PCDHA11: variants seen among roughly 807,000 people sequenced by gnomAD.
PCDHA11 encodes protocadherin alpha-11.
In PCDHA11, 61 loss-of-function variants were observed where a neutral mutation model predicts 70.3. The ratio of observed to expected loss-of-function variants is 0.87; its 90% CI spans 0.71 to 1.07. The LOEUF (loss-of-function observed/expected upper bound fraction) is 1.07. PCDHA11 is among the 50% of genes least tolerant of loss of function. The pLI is 0.00. For synonymous variants in PCDHA11, 633 were observed against 555.1 expected (o/e 1.14, Z -1.97); for missense variants, 1,324 against 1,237.5 (o/e 1.07, Z -1.05).
chr5:140,974,605 G>T (rs2096633635), intron 1 of PCDHA11, among the ~76,000 whole-genome samples: 1 of 152,088 alleles, frequency 6.6e-6, no homozygotes, highest in Non-Finnish European at 1.5e-5. Context: ...TCTGCCTCCA[G>T]GGTTCAAGCG....
rs550730996 is a variant in PCDHA11, at chr5:140,982,280, G to T, written c.2451-195G>T. The T allele has an allele frequency of 2.1e-5, 21 of 1,007,278 alleles. No homozygotes were observed. The Admixed American group carries it at 5.3e-4, about 25-fold the overall frequency. 62.4% of individuals were successfully genotyped at this position (1,007,278 alleles called of 1,614,324 possible). A position where few individuals can be genotyped will look rare whatever the true frequency, so the allele number is the denominator to read the frequency against. ...GTGTGTTCCTGGAATAGTATAGCAGGCAATAAGTAAGTCAGCAATGCTTCT... is the reference window on the plus strand; with the variant it reads ...GTGTGTTCCTGGAATAGTATAGCAGTCAATAAGTAAGTCAGCAATGCTTCT... On this transcript the variant is annotated intron_variant, in intron 2 of 3. Transcript: ENST00000398640.
chr5:140,947,948 T>C (rs2094196051), intron 1 of PCDHA11, among the ~76,000 whole-genome samples: 1 of 151,586 alleles, frequency 6.6e-6, no homozygotes, highest in South Asian at 2.1e-4. Context: ...AAGTGTTCCA[T>C]ATTTTACAAT....
Position 140,883,309 on chromosome 5 carries a change from C to T in PCDHA11, c.2391+11815C>T, listed in dbSNP as rs782264263. The T allele has an allele frequency of 4.3e-6, 7 of 1,613,930 alleles. No individual in the cohort carries two copies. In the Admixed American group the frequency reaches 1.2e-4, roughly 27 times the overall value. ...AAGTACTAGATGTAAATGATAACGCCCCAGAGGTTACCATCACTTCTTTGT... is the reference window on the plus strand; with the variant it reads ...AAGTACTAGATGTAAATGATAACGCTCCAGAGGTTACCATCACTTCTTTGT... On this transcript the variant is annotated intron_variant, in intron 1 of 3. Transcript: ENST00000398640.
intron 3 of PCDHA11, among the ~76,000 whole-genome samples, chr5:140,993,203 A>AT (rs200893072): frequency 0.015 from 2,264 of 152,198 alleles, 62 homozygotes; most frequent in African/African-American, 0.051. Flanking sequence ...ACTAAAGCTA[A>AT]TTTTTTTAGC....
intron 1 of PCDHA11, among the ~76,000 whole-genome samples, chr5:140,889,326 G>A (rs2062188363): frequency 6.6e-6 from 1 of 151,922 alleles, no homozygotes; most frequent in African/African-American, 2.4e-5. Flanking sequence ...TCTGTATCAG[G>A]ATTTTGATTG....
intron 1 of PCDHA11, chr5:140,969,215 C>T: frequency 6.2e-7 from 1 of 1,614,128 alleles, no homozygotes; most frequent in East Asian, 2.2e-5. Flanking sequence ...CCAGACAGGA[C>T]CAGGGCCTTC....
intron 3 of PCDHA11, among the ~76,000 whole-genome samples, chr5:140,989,348 G>A (rs1455202093): frequency 6.6e-6 from 1 of 152,196 alleles, no homozygotes; most frequent in African/African-American, 2.4e-5. Context: ...GCTCAAAGGT[G>A]ATAGGTCACC....
In PCDHA11 at chr5:140,965,644, G is replaced by C. The variant is rs201197561; in HGVS notation, c.2392-13305G>C. On this transcript the variant is annotated intron_variant, in intron 1 of 3. Transcript: ENST00000398640. Reference sequence around the variant, plus strand: ...AAAGAAAAAATTTTAAATTACTCTTGAAAGAAAATGTCTTGGGTGATAAAT... The same window carrying C: ...AAAGAAAAAATTTTAAATTACTCTTCAAAGAAAATGTCTTGGGTGATAAAT... Among the ~76,000 whole-genome samples, 13 of 152,146 alleles carry C rather than the reference G, an allele frequency of 8.5e-5. No individual in the cohort carries two copies. The East Asian group carries it at 2.5e-3, about 29-fold the overall frequency.
chr5:140,927,862 G>T, intron 1 of PCDHA11: 1 of 1,614,200 alleles, frequency 6.2e-7, no homozygotes. Context: ...AGCTAGCACC[G>T]CTAAACTGCT....
chr5:140,895,905 G>A (rs987746254), intron 1 of PCDHA11, among the ~76,000 whole-genome samples: 4 of 152,076 alleles, frequency 2.6e-5, no homozygotes, highest in Admixed American at 1.3e-4. Context: ...TCCGCGTCCC[G>A]GGCTCAACAA....
chr5:140,869,355 G>A lies in PCDHA11; in HGVS notation c.252G>A (p.Leu84=), dbSNP rs782391359. 19 of 1,614,012 alleles carry A rather than the reference G, an allele frequency of 1.2e-5. No homozygotes were observed. The highest frequency in any genetic ancestry group is 1.7e-5 in the Admixed American group (1 of 60,012). The change falls in exon 1 of 4, where the codon TTG becomes TTA. Residue 84 remains leucine (L), a synonymous_variant. Transcript: ENST00000398640. ...AGGTAAATCTGCAGAATGGCATTTTGTTTGTGAATTCTCGGATCGACCGCG... is the reference window on the plus strand; with the variant it reads ...AGGTAAATCTGCAGAATGGCATTTTATTTGTGAATTCTCGGATCGACCGCG... ...LLEVNLQNGI[L]FVNSRIDREE... is the part of the protein sequence containing the mutation.
rs183786609 is a variant in PCDHA11, at chr5:140,896,576, C to T, written c.2391+25082C>T. ...ATTTTAAGTAGAGATGGGGTTTTGA[C>T]GTGTTGGCCAGGCTGGTCTCGAACT... On this transcript the variant is annotated intron_variant, in intron 1 of 3. Transcript: ENST00000398640. Among the ~76,000 whole-genome samples the T allele has an allele frequency of 3.4e-4, 51 of 151,254 alleles. No individual in the cohort carries two copies. The East Asian group carries it at 4.9e-3, about 14-fold the overall frequency.
At chr5:140,996,695 A>G (rs1207094122) in intron 3 of PCDHA11, among the ~76,000 whole-genome samples, 1 of 152,088 alleles carries the variant, frequency 6.6e-6, no homozygotes, top group East Asian at 1.9e-4. Context: ...ATTCTTCTGA[A>G]CCTCTATCTC....
chr5:140,947,146 A>G (rs1253300651), intron 1 of PCDHA11, among the ~76,000 whole-genome samples: 2 of 151,546 alleles, frequency 1.3e-5, no homozygotes, highest in Non-Finnish European at 1.5e-5. Context: ...ATGTATAGTT[A>G]CTTCCACGGG....
chr5:140,889,662 C>T (rs1397086074), intron 1 of PCDHA11, among the ~76,000 whole-genome samples: 1 of 151,946 alleles, frequency 6.6e-6, no homozygotes, highest in Admixed American at 6.6e-5. Context: ...GTCCTCTTCC[C>T]AGCCTTTTAT....
At position 141,010,198 on chromosome 5, in the gene PCDHA11, C is replaced by T; in HGVS notation, c.*261C>T. ...AAAGCAGACCCAAGTTTCCTTTCTC[C>T]TCCGCCGCAAAGGAGAGGCTTCCCA... On this transcript the variant is annotated 3_prime_UTR_variant, in exon 4 of 4. Transcript: ENST00000398640. The T allele has an allele frequency of 6.4e-7, 1 of 1,552,138 alleles. No homozygotes were observed. The highest frequency in any genetic ancestry group is 1.4e-5 in the African/African-American group (1 of 73,154).
At chr5:140,883,106 T>C (rs782515785) in intron 1 of PCDHA11, 3 of 1,614,124 alleles carry the variant, frequency 1.9e-6, no homozygotes, top group Non-Finnish European at 2.5e-6. Context: ...TATAGTTTAC[T>C]CATTTAGAAG....
At chr5:140,928,032 TAGTGC>T (rs782031018) in intron 1 of PCDHA11, 7 of 1,614,216 alleles carry the variant, frequency 4.3e-6, no homozygotes, top group Non-Finnish European at 5.9e-6. Context: ...GTGGCATGTC[TAGTGC>T]AGGCCCTTTT....
intron 3 of PCDHA11, among the ~76,000 whole-genome samples, chr5:141,000,510 C>G (rs1197965439): frequency 5.6e-5 from 8 of 143,864 alleles, no homozygotes; most frequent in South Asian, 4.5e-4. Context: ...TCACTGCAAC[C>G]TCCTTCTCCA....
Sources: allele counts gnomAD v4.1 joint callset (sites outside exome capture counted in the v4.1 genomes callset), GRCh38; gene constraint gnomAD v4.1.1; transcripts MANE v1.5; gene names NCBI Gene and HGNC (gene_info 2026-07-23, HGNC 2026-07-21).